Variants in LRRC75A observed in about 807,000 individuals in gnomAD.
The protein encoded by LRRC75A is leucine rich repeat containing 75A, also known as leucine-rich repeat-containing protein 75A.
LRRC75A carries 12 observed loss-of-function variants against 26.0 expected under a neutral mutation model. That is an observed-to-expected ratio of 0.46 (90% confidence interval 0.30 to 0.75). The LOEUF (loss-of-function observed/expected upper bound fraction) is 0.75, where lower values mean the gene tolerates loss of function less well. Ranked by LOEUF, LRRC75A falls within the 30% of genes least tolerant of loss-of-function variation. LRRC75A has a pLI of 0.08. For synonymous variants in LRRC75A, 223 were observed against 219.3 expected (o/e 1.02, Z -0.15); for missense variants, 410 against 486.6 (o/e 0.84, Z 1.48).
chr17:16,471,490 G>A (rs1002191306), intron 1 of LRRC75A, among the ~76,000 whole-genome samples: 10 of 152,186 alleles, frequency 6.6e-5, no homozygotes, highest in South Asian at 2.1e-4. Context: ...GCAAGTGGCC[G>A]GGACCCCTCC....
At chr17:16,448,720 TAAG>T (rs915123841) in intron 2 of LRRC75A, among the ~76,000 whole-genome samples, 22 of 152,122 alleles carry the variant, frequency 1.4e-4, no homozygotes, top group African/African-American at 5.1e-4. Flanking sequence ...ACTGGTGTCC[TAAG>T]AAGAAGAAAT....
intron 2 of LRRC75A, among the ~76,000 whole-genome samples, chr17:16,455,393 T>G (rs1165504902): frequency 1.3e-5 from 2 of 151,738 alleles, no homozygotes; most frequent in South Asian, 4.2e-4. Flanking sequence ...TACAATTTTT[T>G]TTTTTAGACG....
At chr17:16,449,468 G>A (rs774145738) in intron 2 of LRRC75A, among the ~76,000 whole-genome samples, 1 of 152,138 alleles carries the variant, frequency 6.6e-6, no homozygotes, top group Non-Finnish European at 1.5e-5. Context: ...CTAGCGCAGT[G>A]CTTTGAATAG....
chr17:16,491,794 C>T lies in LRRC75A; in HGVS notation c.197G>A (p.Arg66His). The change falls in exon 1 of 4, where the codon CGC (arginine) becomes CAC (histidine). Residue 66 changes from arginine to histidine, a missense_variant. Transcript: ENST00000470794. This position sits in a 1 kb window ranked among gnomAD's most constrained non-coding sequence, Gnocchi z 5.9. ...CCCCGCCTCCTCCCGCCGGCCCTGGCGCACCATCCGCAGCAGCTCCTGGAC... is the reference window on the plus strand; with the variant it reads ...CCCCGCCTCCTCCCGCCGGCCCTGGTGCACCATCCGCAGCAGCTCCTGGAC... ...GMVQELLRMV[R>H]QGRREEAGTL... The T allele has an allele frequency of 1.4e-5, 20 of 1,435,542 alleles. No homozygotes were observed. The highest frequency in any genetic ancestry group is 1.8e-5 in the Non-Finnish European group (20 of 1,095,428). The allele number at this position is 1,435,542 out of a possible 1,614,324, so 88.9% of individuals were successfully genotyped here.
chr17:16,450,769 G>T (rs775314547), intron 2 of LRRC75A, among the ~76,000 whole-genome samples: 4 of 152,222 alleles, frequency 2.6e-5, no homozygotes, highest in Non-Finnish European at 2.9e-5. Context: ...GATGGAGAGA[G>T]GGGTGGACAG....
chr17:16,485,669 T>TGTGTGTGTGTGTGCGTG (rs1555893680), intron 1 of LRRC75A, among the ~76,000 whole-genome samples: 1 of 114,244 alleles, frequency 8.8e-6, no homozygotes, highest in African/African-American at 3.9e-5. Context: ...TGTGTGTGTG[T>TGTGTGTGTGTGTGCGTG]TCGTGTGTGT....
chr17:16,483,416 T>A (rs1165266060), intron 1 of LRRC75A, among the ~76,000 whole-genome samples: 1 of 152,142 alleles, frequency 6.6e-6, no homozygotes, highest in African/African-American at 2.4e-5. Context: ...GAGGTATCTG[T>A]CCCCTCTCTG....
At chr17:16,484,750 C>T (rs925924303) in intron 1 of LRRC75A, among the ~76,000 whole-genome samples, 12 of 152,224 alleles carry the variant, frequency 7.9e-5, no homozygotes, top group African/African-American at 2.9e-4. Context: ...GAAAGACACG[C>T]GGACACTGAG....
At chr17:16,481,293 G>A (rs2093833348) in intron 1 of LRRC75A, among the ~76,000 whole-genome samples, 1 of 152,102 alleles carries the variant, frequency 6.6e-6, no homozygotes, top group South Asian at 2.1e-4. Context: ...GGTGCCAGGT[G>A]AGATGAGAGC....
chr17:16,444,852 AT>A lies in LRRC75A; in HGVS notation c.492-722del, dbSNP rs5819573. 5.3e-3 allele frequency among the ~76,000 whole-genome samples: 707 copies of A among 132,466 alleles called. 5 individuals are homozygous for A. Among genetic ancestry groups the A allele is most frequent in the African/African-American group, 0.016 (554 of 35,124 alleles). 86.9% of individuals were successfully genotyped at this position (132,466 alleles called of 152,430 possible). A position where few individuals can be genotyped will look rare whatever the true frequency, so the allele number is the denominator to read the frequency against. On this transcript the variant is annotated intron_variant, in intron 3 of 3. Transcript: ENST00000470794. ...CAGTGGTGAGATGTTCATTTTCCAC[AT>A]TTTTTTTTTTTTTTGGAGACAGTCT...
rs2143007993 is a variant in LRRC75A at position 16,443,411 on chromosome 17, G to T, written c.*177C>A. 1 of 574,236 alleles carries T rather than the reference G, an allele frequency of 1.7e-6. No homozygotes were observed. The allele number at this position is 574,236 out of a possible 1,614,324, so 35.6% of individuals were successfully genotyped here. On this transcript the variant is annotated 3_prime_UTR_variant, in exon 4 of 4. Transcript: ENST00000470794. ...GGGGGCAGATGCAGAGGACCAACGG[G>T]AAGTTTTAACACAAATCCCCTTCCC...
chr17:16,485,891 T>TC (rs961009931), intron 1 of LRRC75A, among the ~76,000 whole-genome samples: 38 of 113,828 alleles, frequency 3.3e-4, no homozygotes, highest in Non-Finnish European at 5.3e-4. Flanking sequence ...AAGGAGTCTC[T>TC]CCCCTGCAGA....
chr17:16,466,939 A>G (rs749681194), intron 1 of LRRC75A, among the ~76,000 whole-genome samples: 1 of 152,154 alleles, frequency 6.6e-6, no homozygotes, highest in Non-Finnish European at 1.5e-5. Flanking sequence ...TTCCAATGAC[A>G]TATCTATGTG....
At chr17:16,461,910 G>C (rs1055784425) in intron 2 of LRRC75A, among the ~76,000 whole-genome samples, 2 of 151,714 alleles carry the variant, frequency 1.3e-5, no homozygotes, top group Non-Finnish European at 2.9e-5. Context: ...AACTGTATGT[G>C]GTGGCCTTGG....
intron 1 of LRRC75A, chr17:16,478,578 C>G (rs1305656164): frequency 6.6e-6 from 1 of 152,296 alleles, no homozygotes; most frequent in East Asian, 1.9e-4. Context: ...GGTCCTGGCT[C>G]ATGGACTGGC....
At chr17:16,445,247 T>G (rs2093573952) in intron 3 of LRRC75A, among the ~76,000 whole-genome samples, 2 of 130,626 alleles carry the variant, frequency 1.5e-5, no homozygotes, top group Non-Finnish European at 3.2e-5. Context: ...CTCACTGCAA[T>G]CTCCACCTCC....
chr17:16,477,070 A>T (rs2093822756), intron 1 of LRRC75A, among the ~76,000 whole-genome samples: 1 of 152,004 alleles, frequency 6.6e-6, no homozygotes, highest in Non-Finnish European at 1.5e-5. Flanking sequence ...TTTAGTAGAG[A>T]CCGGGGGTTT....
intron 2 of LRRC75A, among the ~76,000 whole-genome samples, chr17:16,454,046 T>C (rs192253944): frequency 6.6e-6 from 1 of 152,282 alleles, no homozygotes; most frequent in African/African-American, 2.4e-5. Context: ...ACACCCTTTG[T>C]CCAATCGCAT....
chr17:16,441,727 A>AT lies in LRRC75A; in HGVS notation c.*1860_*1861insA. The AT allele has an allele frequency of 4.3e-6, 1 of 234,582 alleles. No homozygotes were observed. Among genetic ancestry groups the AT allele is most frequent in the Non-Finnish European group, 8.7e-6 (1 of 114,732 alleles). 14.5% of individuals were successfully genotyped at this position (234,582 alleles called of 1,614,324 possible). A position where few individuals can be genotyped will look rare whatever the true frequency, so the allele number is the denominator to read the frequency against. ...TACAGCTCACAGCACACCTGGCTAA[A>AT]ATTTTTTTTTTGTTGAGACGGATTC... On this transcript the variant is annotated 3_prime_UTR_variant, in exon 4 of 4. Transcript: ENST00000470794.
Sources: allele counts gnomAD v4.1 joint callset (sites outside exome capture counted in the v4.1 genomes callset), GRCh38; gene constraint gnomAD v4.1.1; non-coding constraint Gnocchi (gnomAD v3.1); transcripts MANE v1.5; gene names NCBI Gene and HGNC (gene_info 2026-07-23, HGNC 2026-07-21).